The following C21orf58 variants were observed in gnomAD, a reference collection of about 807,000 sequenced individuals.
C21orf58 encodes uncharacterized protein C21orf58.
A neutral mutation model predicts 35.8 loss-of-function variants in C21orf58; 34 were observed. That is an observed-to-expected ratio of 0.95 (90% CI 0.72 to 1.26). The LOEUF is 1.26. C21orf58 is among the 50% of genes most tolerant of loss of function. The pLI, the probability that C21orf58 is intolerant of heterozygous loss-of-function variation, is 0.00. For missense variants in C21orf58, 440 were observed against 414.3 expected, an observed-to-expected ratio of 1.06 and a Z score of -0.54; for synonymous variants, 191 against 175.8, an observed-to-expected ratio of 1.09 and a Z score of -0.68.
intron 1 of C21orf58, chr21:46,320,675 C>T (rs1374916636): frequency 6.6e-6 from 1 of 152,138 alleles, no homozygotes; most frequent in Non-Finnish European, 1.5e-5. Context: ...AGAACACCAC[C>T]AGGTCAAAGT....
chr21:46,306,721 A>C (rs1181976580), intron 6 of C21orf58, among the ~76,000 whole-genome samples: 1 of 150,740 alleles, frequency 6.6e-6, no homozygotes, highest in African/African-American at 2.4e-5. Flanking sequence ...CCAAGTAGCT[A>C]GGACCACAGG....
chr21:46,310,825 A>G (rs2082649574), intron 6 of C21orf58, among the ~76,000 whole-genome samples: 1 of 151,316 alleles, frequency 6.6e-6, no homozygotes, highest in Non-Finnish European at 1.5e-5. Flanking sequence ...CTCTCTAAAT[A>G]AATAAATAAA....
chr21:46,305,662 G>A (rs11700519), intron 6 of C21orf58, among the ~76,000 whole-genome samples: 80,933 of 151,986 alleles, frequency 0.53, 23,099 homozygotes, highest in Non-Finnish European at 0.63. Context: ...AATCTTGGCC[G>A]GGCGCGGTGG....
intron 6 of C21orf58, among the ~76,000 whole-genome samples, chr21:46,310,248 G>A (rs1423351062): frequency 1.3e-5 from 2 of 152,118 alleles, no homozygotes; most frequent in East Asian, 3.9e-4. Context: ...AGGCCAAGGC[G>A]GGTGGATTGC....
At chr21:46,300,968 G>T (rs1371839798), downstream of C21orf58, among the ~76,000 whole-genome samples, 1 of 152,050 alleles carries the variant, frequency 6.6e-6, no homozygotes. Flanking sequence ...GAAGGAAACT[G>T]AACTGAGGGG....
intron 5 of C21orf58, among the ~76,000 whole-genome samples, chr21:46,313,865 C>T (rs1186505589): frequency 2.6e-5 from 4 of 152,210 alleles, no homozygotes; most frequent in Non-Finnish European, 1.5e-5. Context: ...ATTCCCACCT[C>T]AGCCTCTTCT....
Position 46,318,242 on chromosome 21 carries a change from G to A in C21orf58, c.101-22C>T, listed in dbSNP as rs1011001876. ...CAGCCTGAGGGAAGAGAAGAGCCCT[G>A]TGGGAAGATAGCCACACCCTCCCTG... On this transcript the variant is annotated intron_variant, in intron 1 of 7. Transcript: ENST00000291691. 4.3e-6 allele frequency: 7 copies of A among 1,610,210 alleles called. No individual in the cohort carries two copies. In the Admixed American group the frequency reaches 1.0e-4, roughly 23 times the overall value.
At chr21:46,303,560 T>A (rs899661999) in intron 6 of C21orf58, among the ~76,000 whole-genome samples, 1 of 150,116 alleles carries the variant, frequency 6.7e-6, no homozygotes. Flanking sequence ...GATATTCAAG[T>A]AGCCAATAAG....
chr21:46,317,944 C>T (rs980830517), intron 2 of C21orf58, 68 bp downstream of exon 2: 23 of 1,556,508 alleles, frequency 1.5e-5, no homozygotes, highest in Non-Finnish European at 1.7e-5. Context: ...AGGGCTGTCT[C>T]GAAGAGTCCC....
intron 4 of C21orf58, 118 bp downstream of exon 4, chr21:46,315,356 G>T: frequency 1.4e-6 from 1 of 709,412 alleles, no homozygotes; most frequent in South Asian, 1.6e-5. Context: ...GCTGGGGCCT[G>T]GCCCTGAGAG....
In C21orf58 at chr21:46,301,838, G is replaced by GC; in HGVS notation, c.*160dup. 7.9e-7 allele frequency: 1 copy of GC among 1,268,360 alleles called. No homozygotes were observed. The highest frequency in any genetic ancestry group is 3.0e-5 in the South Asian group (1 of 32,950). 78.6% of individuals were successfully genotyped at this position (1,268,360 alleles called of 1,614,324 possible). A position where few individuals can be genotyped will look rare whatever the true frequency, so the allele number is the denominator to read the frequency against. On this transcript the variant is annotated 3_prime_UTR_variant, in exon 8 of 8. Coordinates refer to ENST00000291691, the MANE Select transcript of C21orf58 (RefSeq NM_058180.5). ...GGCCCCGTGACCAGAAAGCGAGCCT[G>GC]CCCAGCTTCCCCAGGAGGAGCCTGC...
chr21:46,306,906 T>A (rs1736203303), intron 6 of C21orf58, among the ~76,000 whole-genome samples: 1 of 147,934 alleles, frequency 6.8e-6, no homozygotes, highest in Non-Finnish European at 1.5e-5. Context: ...TTTTTATTTA[T>A]TTTTTTTAAG....
chr21:46,313,153 C>T, intron 5 of C21orf58: 1 of 681,866 alleles, frequency 1.5e-6, no homozygotes, highest in Non-Finnish European at 1.8e-6. Flanking sequence ...GCCATTGCAG[C>T]ATGAAAGCAG....
In C21orf58 at chr21:46,311,535, C is replaced by T; in HGVS notation, c.642G>A (p.Gln214=). The change falls in exon 6 of 8, where the codon CAG becomes CAA. Residue 214 remains glutamine, a synonymous_variant. Coordinates refer to ENST00000291691, the MANE Select transcript of C21orf58 (RefSeq NM_058180.5). ...GTGCTATGAGTGGCTGCTGAGGGAG[C>T]TGCTGAATGATGGTGGCAGGAGGCT... is the stretch of plus-strand genomic sequence containing the variant. ...VPQPPATIIQ[Q]LPQQPLIAQI... The T allele has an allele frequency of 6.2e-7, 1 of 1,611,920 alleles. No individual in the cohort carries two copies. The highest frequency in any genetic ancestry group is 1.1e-5 in the South Asian group (1 of 90,432).
intron 3 of C21orf58, 72 bp from the exon 4 acceptor site, chr21:46,315,619 G>T (rs1188839496): frequency 1.3e-5 from 13 of 992,072 alleles, no homozygotes; most frequent in Non-Finnish European, 2.1e-5. Flanking sequence ...GGACTGGATG[G>T]TACTGCACCC....
chr21:46,300,529 G>A (rs749668140), downstream of C21orf58: 126 of 534,496 alleles, frequency 2.4e-4, 2 homozygotes, highest in Middle Eastern at 2.7e-3. Flanking sequence ...AGCTTTTAAC[G>A]AGAGCACAGA....
intron 6 of C21orf58, among the ~76,000 whole-genome samples, chr21:46,307,734 G>A (rs926635831): frequency 3.3e-5 from 5 of 152,144 alleles, no homozygotes; most frequent in Admixed American, 1.3e-4. Context: ...GGGATAGGCA[G>A]GTCACTGGGA....
At chr21:46,308,317 C>T (rs1410464394) in intron 6 of C21orf58, among the ~76,000 whole-genome samples, 1 of 151,674 alleles carries the variant, frequency 6.6e-6, no homozygotes, top group East Asian at 2.0e-4. Context: ...AAAAATCAGC[C>T]GGGCGTGGTG....
intron 1 of C21orf58, chr21:46,322,299 G>GA (rs1438717176): frequency 1.1e-5 from 3 of 284,898 alleles, no homozygotes; most frequent in African/African-American, 6.9e-5. Flanking sequence ...AAAAAGAAAA[G>GA]AAAAAAGAAC....
Sources: gnomAD v4.1 joint callset for allele counts (sites outside exome capture counted in the v4.1 genomes callset) on GRCh38, gnomAD v4.1.1 for gene constraint, MANE v1.5 for transcripts, NCBI Gene and HGNC (gene_info 2026-07-23, HGNC 2026-07-21) for gene names.